The following NHSL1 variants were observed in gnomAD, a reference collection of about 807,000 sequenced individuals.
The protein encoded by NHSL1 is NHS like 1.
In NHSL1, 48 loss-of-function variants were observed where a neutral mutation model predicts 95.0. The ratio of observed to expected loss-of-function variants is 0.51; its 90% CI spans 0.40 to 0.64. The LOEUF (loss-of-function observed/expected upper bound fraction) is 0.64. NHSL1 is among the 30% of genes least tolerant of loss of function. The pLI, the probability that NHSL1 is intolerant of heterozygous loss-of-function variation, is 0.00. For missense variants in NHSL1, 1,971 were observed against 2,077.7 expected (o/e 0.95, Z 1.00); for synonymous variants, 783 against 833.9 (o/e 0.94, Z 1.05).
chr6:138,599,043 T>C (rs2114552926), intron 1 of NHSL1, among the ~76,000 whole-genome samples: 1 of 152,318 alleles, frequency 6.6e-6, no homozygotes, highest in Non-Finnish European at 1.5e-5. Flanking sequence ...TCTCTGTGTG[T>C]CCAAGTCATC....
At chr6:138,554,332 T>G (rs371050478) in intron 1 of NHSL1, among the ~76,000 whole-genome samples, 1 of 152,188 alleles carries the variant, frequency 6.6e-6, no homozygotes, top group Non-Finnish European at 1.5e-5. Context: ...AAAAAAGTCA[T>G]TTGTGTCATT....
intron 1 of NHSL1, among the ~76,000 whole-genome samples, chr6:138,683,687 C>T (rs565366742): frequency 1.3e-5 from 2 of 152,326 alleles, no homozygotes; most frequent in South Asian, 2.1e-4. Context: ...GACACTGCCA[C>T]GCGATGTTTG....
At chr6:138,572,026 G>T in exon 1 of NHSL1, 1 of 764,562 alleles carries the variant, frequency 1.3e-6, no homozygotes, top group Non-Finnish European at 2.1e-6. Flanking sequence ...AGACAACGCT[G>T]ACAGTCAGGC....
At position 138,424,896 on chromosome 6, in the gene NHSL1, G is replaced by A. The variant is rs1775159881; in HGVS notation, c.4086-80C>T. On this transcript the variant is annotated intron_variant, in intron 7 of 7. Transcript: ENST00000343505. This position sits in a 1 kb window ranked among gnomAD's most constrained non-coding sequence, Gnocchi z 5.9. ...CAGCCACAACCACTCTGCTCTTATC[G>A]CATCTTCAGGTCACCATCTACTTAA... 6 of 1,120,164 alleles carry A rather than the reference G, an allele frequency of 5.4e-6. No homozygotes were observed. Among genetic ancestry groups the A allele is most frequent in the East Asian group, 5.2e-5 (2 of 38,596 alleles). The allele number at this position is 1,120,164 out of a possible 1,614,324, so 69.4% of individuals were successfully genotyped here.
At chr6:138,620,898 T>C (rs1398134064) in intron 1 of NHSL1, among the ~76,000 whole-genome samples, 1 of 152,162 alleles carries the variant, frequency 6.6e-6, no homozygotes, top group African/African-American at 2.4e-5. Context: ...ACTGGGAATC[T>C]AGAGCAGGAG....
chr6:138,530,437 A>AAGGAAAAG (rs1264329842), intron 1 of NHSL1, among the ~76,000 whole-genome samples: 19 of 152,338 alleles, frequency 1.2e-4, no homozygotes, highest in South Asian at 4.1e-4. Context: ...TATCTACCCA[A>AAGGAAAAG]AGGAAAAGAG....
chr6:138,482,212 C>T (rs1015682997), intron 2 of NHSL1, among the ~76,000 whole-genome samples: 6 of 152,084 alleles, frequency 3.9e-5, no homozygotes, highest in Non-Finnish European at 7.4e-5. Context: ...ATTTGGGAGG[C>T]CAAGGCGGGC....
intron 1 of NHSL1, among the ~76,000 whole-genome samples, chr6:138,626,997 G>C (rs1784748876): frequency 6.7e-6 from 1 of 148,336 alleles, no homozygotes; most frequent in Non-Finnish European, 1.5e-5. Context: ...CCTTCTTATT[G>C]AAAGTCTAAA....
chr6:138,499,261 C>G lies in NHSL1; in HGVS notation c.30G>C (p.Lys10Asn), dbSNP rs1403825027. 4 of 1,550,350 alleles carry G rather than the reference C, an allele frequency of 2.6e-6. No individual in the cohort carries two copies. The South Asian group carries it at 3.6e-5, about 14-fold the overall frequency. ...TCTTCTTAAAAAGTTTAATTAAAGA[C>G]TTAATCTTTGCATTAATGAAGACCA... is the stretch of plus-strand genomic sequence containing the variant. MVVFINAKI[K>N]SLIKLFKKKT... Residue 10 changes from lysine to asparagine, a missense_variant, in exon 1 of 8, where the codon AAG (lysine) becomes AAC (asparagine). Physicochemically the swap from Lys to Asn is moderately conservative, Grantham distance 94. Around this residue, in one of 3 missense-constraint regions of NHSL1, gnomAD observed 1,602 missense variants for 1,654.5 expected, o/e 0.97. Transcript: ENST00000343505.
intron 5 of NHSL1, among the ~76,000 whole-genome samples, 163 bp downstream of exon 5, chr6:138,441,820 G>A (rs1218525778): frequency 6.6e-6 from 1 of 152,210 alleles, no homozygotes; most frequent in Non-Finnish European, 1.5e-5. Context: ...TCCATGGGAT[G>A]TTAAGATTTG....
Position 138,512,758 on chromosome 6 carries a change from G to A in NHSL1, c.17-16387C>T, listed in dbSNP as rs540697650. ...TTAAGAAGTCTTGGGGCAGACGACC[G>A]CTTTCAGCCCTTGCCTGCAAATTCT... On this transcript the variant is annotated intron_variant, in intron 1 of 4. Transcript: ENST00000342260. Among the ~76,000 whole-genome samples, 9 of 152,248 alleles carry A rather than the reference G, an allele frequency of 5.9e-5. No individual in the cohort carries two copies. The East Asian group carries it at 1.5e-3, about 26-fold the overall frequency.
intron 1 of NHSL1, among the ~76,000 whole-genome samples, chr6:138,611,034 C>T (rs1784505468): frequency 6.6e-6 from 1 of 151,304 alleles, no homozygotes; most frequent in East Asian, 1.9e-4. Context: ...GCTGAGATCG[C>T]ACCACTGCAT....
chr6:138,625,795 C>T (rs1242700654), intron 1 of NHSL1, among the ~76,000 whole-genome samples: 1 of 152,096 alleles, frequency 6.6e-6, no homozygotes, highest in African/African-American at 2.4e-5. Context: ...GCACACACCA[C>T]CATGCCCAGC....
At chr6:138,461,464 G>A (rs1048913071) in intron 3 of NHSL1, among the ~76,000 whole-genome samples, 5 of 152,160 alleles carry the variant, frequency 3.3e-5, no homozygotes, top group African/African-American at 1.2e-4. Context: ...GAGGGAAGAG[G>A]AAAACCAGGA....
intron 1 of NHSL1, among the ~76,000 whole-genome samples, chr6:138,623,841 G>T (rs1401538349): frequency 6.6e-6 from 1 of 152,136 alleles, no homozygotes; most frequent in East Asian, 1.9e-4. Flanking sequence ...CATGGGGGTG[G>T]TTTTCCACAT....
chr6:138,548,414 T>G (rs1186548411), upstream of NHSL1, among the ~76,000 whole-genome samples: 1 of 152,222 alleles, frequency 6.6e-6, no homozygotes, highest in African/African-American at 2.4e-5. Context: ...GTGGCCCACA[T>G]GCAGCCCAGG....
intron 1 of NHSL1, among the ~76,000 whole-genome samples, chr6:138,601,419 A>G (rs529250954): frequency 6.6e-6 from 1 of 152,350 alleles, no homozygotes; most frequent in Non-Finnish European, 1.5e-5. Flanking sequence ...TTGTGTGGCT[A>G]TTGCTCAATT....
intron 1 of NHSL1, among the ~76,000 whole-genome samples, chr6:138,570,173 T>C (rs1187542699): frequency 6.6e-6 from 1 of 152,226 alleles, no homozygotes; most frequent in Non-Finnish European, 1.5e-5. Flanking sequence ...TCCTACAGCC[T>C]CATGCTCACA....
intron 1 of NHSL1, among the ~76,000 whole-genome samples, chr6:138,653,728 T>C (rs1785120846): frequency 6.6e-6 from 1 of 152,238 alleles, no homozygotes; most frequent in Non-Finnish European, 1.5e-5. Context: ...CAGCATTCCA[T>C]AGCTCAGAGA....
Sources: allele counts gnomAD v4.1 joint callset (sites outside exome capture counted in the v4.1 genomes callset), GRCh38; gene constraint gnomAD v4.1.1; regional missense constraint gnomAD v4.1.1; non-coding constraint Gnocchi (gnomAD v3.1); transcripts MANE v1.5; gene names NCBI Gene and HGNC (gene_info 2026-07-23, HGNC 2026-07-21).